Variants in PIAS1 observed in about 807,000 individuals in gnomAD.
PIAS1 encodes E3 SUMO-protein ligase PIAS1.
Under a neutral mutation model 71.3 loss-of-function variants are expected in PIAS1, and 6 were observed. The ratio of observed to expected loss-of-function variants is 0.08; its 90% CI spans 0.05 to 0.17. PIAS1 has a LOEUF of 0.17. Among genes scored for constraint, PIAS1 ranks in the 10% least tolerant of loss-of-function variants. The probability of loss-of-function intolerance (pLI) is 1.00; values close to 1 mark genes in which losing one functional copy is unlikely to be tolerated. For synonymous variants in PIAS1, 303 were observed against 292.9 expected, an observed-to-expected ratio of 1.03 and a Z score of -0.35; for missense variants, 555 against 793.6, an observed-to-expected ratio of 0.70 and a Z score of 3.61.
At chr15:68,070,798 T>G (rs1325428945) in intron 1 of PIAS1, among the ~76,000 whole-genome samples, 1 of 152,198 alleles carries the variant, frequency 6.6e-6, no homozygotes, top group Non-Finnish European at 1.5e-5. Context: ...TGTAATTTTT[T>G]GAAATAGAGA....
chr15:68,132,108 G>A (rs1056456341), intron 2 of PIAS1, among the ~76,000 whole-genome samples: 7 of 151,886 alleles, frequency 4.6e-5, no homozygotes, highest in Non-Finnish European at 1.0e-4. Context: ...TAATGGAGGT[G>A]CATCAGAATT....
intron 2 of PIAS1, among the ~76,000 whole-genome samples, chr15:68,115,536 TC>T (rs2092558711): frequency 6.6e-6 from 1 of 152,268 alleles, no homozygotes; most frequent in African/African-American, 2.4e-5. Flanking sequence ...GATGCATTTT[TC>T]TTGCTTTATT....
chr15:68,141,318 C>T (rs1307366347), intron 2 of PIAS1, among the ~76,000 whole-genome samples: 1 of 152,100 alleles, frequency 6.6e-6, no homozygotes, highest in Non-Finnish European at 1.5e-5. Flanking sequence ...TCTCTTTCTT[C>T]CCACCTCTCT....
intron 1 of PIAS1, among the ~76,000 whole-genome samples, chr15:68,074,563 TTAAGAATGAGTTTTCAGTAA>T (rs1284267914): frequency 6.6e-6 from 1 of 152,218 alleles, no homozygotes; most frequent in Non-Finnish European, 1.5e-5. Flanking sequence ...AGGAATGGTA[TTAAGAATGAGTTTTCAGTAA>T]TTGTTCTTTT....
At chr15:68,068,080 A>G (rs2092048669) in intron 1 of PIAS1, among the ~76,000 whole-genome samples, 1 of 152,196 alleles carries the variant, frequency 6.6e-6, no homozygotes, top group Admixed American at 6.5e-5. Context: ...GGAGACCTGA[A>G]AATATGTATA....
intron 1 of PIAS1, among the ~76,000 whole-genome samples, chr15:68,066,100 T>G (rs1392385875): frequency 6.6e-6 from 1 of 151,460 alleles, no homozygotes; most frequent in Non-Finnish European, 1.5e-5. Context: ...TATAACTTAA[T>G]TTTTTCAAGG....
intron 1 of PIAS1, among the ~76,000 whole-genome samples, chr15:68,082,712 A>G (rs970072403): frequency 6.6e-6 from 1 of 152,126 alleles, no homozygotes; most frequent in Non-Finnish European, 1.5e-5. Context: ...ATTATATTTT[A>G]TAATAGGAAG....
chr15:68,177,954 G>C (rs953199069), intron 11 of PIAS1, among the ~76,000 whole-genome samples: 1 of 152,238 alleles, frequency 6.6e-6, no homozygotes, highest in Non-Finnish European at 1.5e-5. Flanking sequence ...GTAGGAGAGA[G>C]AAGGAAGTCC....
rs1187590536 is a variant in PIAS1 at position 68,185,844 on chromosome 15, C to T, written c.1663-1698C>T. Among the ~76,000 whole-genome samples, 1 of 152,136 alleles carries T rather than the reference C, an allele frequency of 6.6e-6. No homozygotes were observed. Among genetic ancestry groups the T allele is most frequent in the African/African-American group, 2.4e-5 (1 of 41,408 alleles). ...GGGCGTGGTGCTACACGCCTGTAAT[C>T]CCAGCTACTCGGGAGGCTGAGGCAG... On this transcript the variant is annotated intron_variant, in intron 13 of 13. Transcript: ENST00000249636. The surrounding 1 kb of genome is among the most constrained non-coding windows in gnomAD (Gnocchi z 4.4).
At chr15:68,119,438 C>T (rs531820699) in intron 2 of PIAS1, among the ~76,000 whole-genome samples, 39 of 149,824 alleles carry the variant, frequency 2.6e-4, no homozygotes, top group Admixed American at 7.3e-4. Flanking sequence ...GAGCAAAACT[C>T]CATAAAAAAA....
At chr15:68,081,217 G>C (rs746840426) in intron 1 of PIAS1, among the ~76,000 whole-genome samples, 4 of 152,074 alleles carry the variant, frequency 2.6e-5, no homozygotes, top group Non-Finnish European at 5.9e-5. Context: ...TGAATGTATT[G>C]AACCTCCCAT....
rs540326375 is a variant in PIAS1, at chr15:68,154,809, C to T, written c.934+1114C>T. On this transcript the variant is annotated intron_variant, in intron 7 of 13. Transcript: ENST00000249636. ...AAGGGCAGCACTGATTTGGGATCTG[C>T]GGGAGTGGTGGCACCATTTGGCAGG... Among the ~76,000 whole-genome samples the T allele has an allele frequency of 1.6e-4, 24 of 152,220 alleles. 1 individual carries two copies. The South Asian group carries it at 4.6e-3, about 29-fold the overall frequency.
chr15:68,084,646 C>T (rs2092262585), intron 1 of PIAS1, among the ~76,000 whole-genome samples: 1 of 152,094 alleles, frequency 6.6e-6, no homozygotes, highest in African/African-American at 2.4e-5. Context: ...TTCTGGTGTC[C>T]TTTCTTACTT....
At chr15:68,129,347 C>G (rs977781420) in intron 2 of PIAS1, among the ~76,000 whole-genome samples, 3 of 152,106 alleles carry the variant, frequency 2.0e-5, no homozygotes, top group African/African-American at 7.2e-5. Flanking sequence ...GGTTGACAGA[C>G]CTGAGCCACT....
chr15:68,104,835 T>C (rs2092456336), intron 2 of PIAS1, among the ~76,000 whole-genome samples: 2 of 152,174 alleles, frequency 1.3e-5, no homozygotes. Context: ...AAAGTTTACA[T>C]AAGGGTCTCT....
intron 2 of PIAS1, among the ~76,000 whole-genome samples, chr15:68,096,910 G>T (rs73423750): frequency 0.023 from 3,524 of 151,840 alleles, 115 homozygotes; most frequent in African/African-American, 0.076. Context: ...TCATTTTTTT[G>T]TGTGTGTGTA....
intron 2 of PIAS1, among the ~76,000 whole-genome samples, chr15:68,110,686 T>C (rs190559016): frequency 6.6e-6 from 1 of 151,842 alleles, no homozygotes; most frequent in Non-Finnish European, 1.5e-5. Context: ...CACTTGAGCC[T>C]GGGGAGATCA....
chr15:68,056,816 A>C (rs2091901492), intron 1 of PIAS1, among the ~76,000 whole-genome samples: 1 of 152,136 alleles, frequency 6.6e-6, no homozygotes, highest in Admixed American at 6.5e-5. Context: ...GGTTTGGCAG[A>C]TACTCCTTTT....
intron 1 of PIAS1, among the ~76,000 whole-genome samples, chr15:68,067,634 C>T (rs1243704856): frequency 6.6e-6 from 1 of 151,542 alleles, no homozygotes; most frequent in Non-Finnish European, 1.5e-5. Flanking sequence ...TAAATAGATG[C>T]CTATGTTGAA....
Sources: allele counts gnomAD v4.1 joint callset (sites outside exome capture counted in the v4.1 genomes callset), GRCh38; gene constraint gnomAD v4.1.1; non-coding constraint Gnocchi (gnomAD v3.1); transcripts MANE v1.5; gene names NCBI Gene and HGNC (gene_info 2026-07-23, HGNC 2026-07-21).